OXR1: variants seen among roughly 807,000 people sequenced by gnomAD.
The protein encoded by OXR1 is oxidation resistance 1.
Under a neutral mutation model 104.6 loss-of-function variants are expected in OXR1, and 41 were observed. The observed-to-expected ratio is 0.39, with a 90% CI of 0.31 to 0.51. OXR1 has a LOEUF of 0.51. Among genes scored for constraint, OXR1 ranks in the 20% least tolerant of loss-of-function variants. The probability of loss-of-function intolerance (pLI) is 0.77; values close to 1 mark genes in which losing one functional copy is unlikely to be tolerated. For synonymous variants in OXR1, 348 were observed against 348.4 expected (o/e 1.00, Z 0.01); for missense variants, 955 against 1,031.9 (o/e 0.93, Z 1.02).
At chr8:106,271,097 G>C (rs1042193611) in intron 1 of OXR1, among the ~76,000 whole-genome samples, 22 of 152,084 alleles carry the variant, frequency 1.4e-4, no homozygotes, top group African/African-American at 5.1e-4. Flanking sequence ...GGTGAAGAGG[G>C]GGGGAGCTGT....
At chr8:106,589,093 G>A (rs1387853863) in intron 3 of OXR1, among the ~76,000 whole-genome samples, 4 of 152,172 alleles carry the variant, frequency 2.6e-5, no homozygotes, top group Admixed American at 6.5e-5. Flanking sequence ...GCAGAAAGCC[G>A]AAGCTTTAAA....
chr8:106,404,994 T>A (rs1313944999), intron 2 of OXR1, among the ~76,000 whole-genome samples: 1 of 151,938 alleles, frequency 6.6e-6, no homozygotes, highest in East Asian at 1.9e-4. Flanking sequence ...TTGGTTCTTA[T>A]AAGTGATGGA....
At chr8:106,743,938 G>A (rs1326035863) in intron 15 of OXR1, among the ~76,000 whole-genome samples, 1 of 152,134 alleles carries the variant, frequency 6.6e-6, no homozygotes, top group Non-Finnish European at 1.5e-5. Context: ...ACTAATGCAG[G>A]AACAGGAAAC....
At chr8:106,379,640 C>A (rs1199286867) in intron 2 of OXR1, among the ~76,000 whole-genome samples, 2 of 146,886 alleles carry the variant, frequency 1.4e-5, no homozygotes, top group Admixed American at 1.4e-4. Context: ...CAGGTTCAAG[C>A]GATTCTCGTG....
chr8:106,532,077 A>G (rs1421115003), intron 3 of OXR1, among the ~76,000 whole-genome samples: 2 of 152,204 alleles, frequency 1.3e-5, no homozygotes, highest in African/African-American at 2.4e-5. Flanking sequence ...ATCAACTACC[A>G]ATAGTTGGAA....
chr8:106,455,205 TAGTC>T (rs1820538746), intron 2 of OXR1, among the ~76,000 whole-genome samples: 1 of 152,216 alleles, frequency 6.6e-6, no homozygotes, highest in South Asian at 2.1e-4. Flanking sequence ...TATTTTGAGT[TAGTC>T]AGAATATTTA....
intron 2 of OXR1, among the ~76,000 whole-genome samples, chr8:106,364,448 C>T (rs1346709219): frequency 1.3e-5 from 2 of 151,838 alleles, no homozygotes; most frequent in Admixed American, 6.6e-5. Context: ...TGGATGGTGG[C>T]GCACACCAGT....
intron 3 of OXR1, among the ~76,000 whole-genome samples, chr8:106,601,271 G>T (rs908807652): frequency 3.3e-5 from 5 of 152,288 alleles, no homozygotes; most frequent in Admixed American, 6.5e-5. Flanking sequence ...AGGTATGGTA[G>T]CCAGAATTCT....
chr8:106,430,095 T>C (rs773482361), intron 2 of OXR1, among the ~76,000 whole-genome samples: 1 of 152,104 alleles, frequency 6.6e-6, no homozygotes, highest in Non-Finnish European at 1.5e-5. Context: ...CAGGTTGGTA[T>C]CTTTATTTCT....
intron 1 of OXR1, chr8:106,272,042 G>C (rs1460981664): frequency 6.6e-6 from 1 of 152,272 alleles, no homozygotes; most frequent in Non-Finnish European, 1.5e-5. Context: ...ACAGAGACCA[G>C]CATTTAAGGG....
chr8:106,463,767 C>G (rs1821031702), intron 2 of OXR1, among the ~76,000 whole-genome samples: 1 of 152,106 alleles, frequency 6.6e-6, no homozygotes, highest in Non-Finnish European at 1.5e-5. Flanking sequence ...AGAGCAGCAG[C>G]ATCATATTGT....
intron 3 of OXR1, among the ~76,000 whole-genome samples, chr8:106,586,477 C>A (rs1480047965): frequency 2.0e-5 from 3 of 152,116 alleles, no homozygotes; most frequent in Non-Finnish European, 4.4e-5. Flanking sequence ...TGAGCATAGT[C>A]AAGTTTCAGG....
intron 1 of OXR1, among the ~76,000 whole-genome samples, chr8:106,338,099 G>C (rs1815037862): frequency 6.6e-6 from 1 of 151,918 alleles, no homozygotes. Context: ...TCCTGTTCTG[G>C]GCCCCAACAA....
At chr8:106,657,989 G>A in intron 3 of OXR1, 1 of 1,248,466 alleles carries the variant, frequency 8.0e-7, no homozygotes, top group Non-Finnish European at 1.0e-6. Flanking sequence ...GCGGCAGCAT[G>A]GACTACCTGA....
chr8:106,729,197 T>G (rs1269470558), intron 11 of OXR1, among the ~76,000 whole-genome samples: 2 of 152,114 alleles, frequency 1.3e-5, no homozygotes, highest in African/African-American at 4.8e-5. Context: ...ATCATCTCCA[T>G]TTTACAAGTG....
At chr8:106,618,269 TG>T in intron 3 of OXR1, 1 of 1,092,462 alleles carries the variant, frequency 9.2e-7, no homozygotes, top group Non-Finnish European at 1.3e-6. Flanking sequence ...CACTTTATGT[TG>T]CATTTTCAAA....
At chr8:106,578,581 A>G (rs566156080) in intron 3 of OXR1, among the ~76,000 whole-genome samples, 4 of 152,238 alleles carry the variant, frequency 2.6e-5, no homozygotes, top group South Asian at 2.1e-4. Context: ...TGTGCATAGC[A>G]TATCTCCTTT....
At chr8:106,292,577 T>G (rs1048542936) in intron 1 of OXR1, among the ~76,000 whole-genome samples, 6 of 152,198 alleles carry the variant, frequency 3.9e-5, no homozygotes, top group African/African-American at 1.4e-4. Context: ...TTGGTGGGTC[T>G]TGGAATGTAT....
chr8:106,710,108 C>T (rs898349971), intron 9 of OXR1, among the ~76,000 whole-genome samples: 4 of 152,068 alleles, frequency 2.6e-5, no homozygotes, highest in African/African-American at 9.7e-5. Flanking sequence ...AATTAACTGT[C>T]CAAACAGGTG....
Sources: allele counts gnomAD v4.1 joint callset (sites outside exome capture counted in the v4.1 genomes callset), GRCh38; gene constraint gnomAD v4.1.1; transcripts MANE v1.5; gene names NCBI Gene and HGNC (gene_info 2026-07-23, HGNC 2026-07-21).